The following DNM3 variants were observed in gnomAD, a reference collection of about 807,000 sequenced individuals.
DNM3 encodes dynamin-3.
A neutral mutation model predicts 101.6 loss-of-function variants in DNM3; 47 were observed. That is an observed-to-expected ratio of 0.46 (90% CI 0.37 to 0.59). DNM3 has a LOEUF of 0.59. Ranked by LOEUF, DNM3 falls within the 20% of genes least tolerant of loss-of-function variation. DNM3 has a pLI of 0.00. For missense variants in DNM3, 849 were observed against 1,085.7 expected (o/e 0.78, Z 3.06); for synonymous variants, 385 against 387.9 (o/e 0.99, Z 0.09).
chr1:172,181,784 T>C (rs1335719324), intron 14 of DNM3, among the ~76,000 whole-genome samples: 2 of 150,892 alleles, frequency 1.3e-5, no homozygotes. Context: ...TCCTCCCCCA[T>C]ATCCTGTCTG....
At chr1:172,158,749 G>C (rs1395187317) in intron 14 of DNM3, among the ~76,000 whole-genome samples, 1 of 151,978 alleles carries the variant, frequency 6.6e-6, no homozygotes, top group Non-Finnish European at 1.5e-5. Context: ...AGAATTTAAA[G>C]TTTTATTGAT....
At chr1:172,193,749 C>A (rs1285951396) in intron 14 of DNM3, among the ~76,000 whole-genome samples, 46 of 152,046 alleles carry the variant, frequency 3.0e-4, no homozygotes, top group Non-Finnish European at 4.4e-5. Flanking sequence ...ATTCTTCTCT[C>A]TTTTCTTCTT....
intron 14 of DNM3, among the ~76,000 whole-genome samples, chr1:172,239,500 C>A (rs1288046766): frequency 6.6e-6 from 1 of 152,152 alleles, no homozygotes; most frequent in African/African-American, 2.4e-5. Flanking sequence ...AATCGAGGAA[C>A]TTACAGAAGG....
intron 14 of DNM3, among the ~76,000 whole-genome samples, chr1:172,199,271 TTG>T (rs768225954): frequency 4.6e-5 from 7 of 151,820 alleles, no homozygotes; most frequent in Admixed American, 6.6e-5. Context: ...TGGTTCAAGG[TTG>T]TGTTTAGTAT....
At chr1:172,397,413 T>C (rs1405322965) in intron 20 of DNM3, 1 of 152,528 alleles carries the variant, frequency 6.6e-6, no homozygotes, top group Non-Finnish European at 1.5e-5. Flanking sequence ...AGCAGACTTA[T>C]AGTTTTAGCT....
At chr1:172,393,521 C>T (rs2149092594) in intron 20 of DNM3, 1 of 152,722 alleles carries the variant, frequency 6.5e-6, no homozygotes, top group South Asian at 2.1e-4. Context: ...AATTAAGCAA[C>T]TTAAGTGACT....
intron 1 of DNM3, among the ~76,000 whole-genome samples, chr1:171,910,243 C>A (rs2125272241): frequency 6.6e-6 from 1 of 152,324 alleles, no homozygotes; most frequent in South Asian, 2.1e-4. Flanking sequence ...GTTTTGCACT[C>A]TGCTGTTTCA....
intron 14 of DNM3, among the ~76,000 whole-genome samples, chr1:172,180,626 G>T (rs1289474818): frequency 6.6e-6 from 1 of 152,060 alleles, no homozygotes; most frequent in Non-Finnish European, 1.5e-5. Context: ...TTCTTTTATT[G>T]CAGGAATAGC....
intron 17 of DNM3, among the ~76,000 whole-genome samples, chr1:172,373,220 C>G (rs1316322434): frequency 3.3e-5 from 5 of 152,030 alleles, no homozygotes; most frequent in African/African-American, 1.2e-4. Context: ...ATAATGCTTT[C>G]TTAGCAAAAT....
chr1:172,381,890 C>A (rs1347393187), intron 18 of DNM3, among the ~76,000 whole-genome samples: 2 of 152,122 alleles, frequency 1.3e-5, no homozygotes, highest in African/African-American at 4.8e-5. Flanking sequence ...TCCTCTATTT[C>A]TTCCTGGTCT....
At chr1:171,952,377 T>G (rs2042585306) in intron 2 of DNM3, among the ~76,000 whole-genome samples, 1 of 152,184 alleles carries the variant, frequency 6.6e-6, no homozygotes, top group African/African-American at 2.4e-5. Flanking sequence ...GCTACATGAG[T>G]CAGGTTGGAA....
At chr1:172,148,738 A>G (rs1487558121) in intron 14 of DNM3, among the ~76,000 whole-genome samples, 2 of 152,042 alleles carry the variant, frequency 1.3e-5, no homozygotes, top group Non-Finnish European at 1.5e-5. Flanking sequence ...TAGAGAAGAT[A>G]GCCCCACTTA....
At chr1:171,974,270 T>A (rs1486054201) in intron 2 of DNM3, among the ~76,000 whole-genome samples, 3 of 152,212 alleles carry the variant, frequency 2.0e-5, no homozygotes, top group African/African-American at 7.2e-5. Flanking sequence ...CAGTTTTCAT[T>A]GTGATCTATA....
intron 10 of DNM3, among the ~76,000 whole-genome samples, chr1:172,061,684 C>T (rs1359943752): frequency 2.4e-5 from 3 of 124,966 alleles, no homozygotes; most frequent in East Asian, 2.4e-4. Flanking sequence ...AACATCACAC[C>T]CTGGGGACTG....
chr1:171,946,041 C>T (rs10914053), intron 2 of DNM3, among the ~76,000 whole-genome samples: 132,217 of 152,130 alleles, frequency 0.87, 57,730 homozygotes, highest in African/African-American at 0.96. Flanking sequence ...TCTTGCAAGA[C>T]CTGCAGTTTT....
At chr1:172,317,775 A>G (rs1286176397) in intron 16 of DNM3, among the ~76,000 whole-genome samples, 1 of 152,216 alleles carries the variant, frequency 6.6e-6, no homozygotes, top group Non-Finnish European at 1.5e-5. Flanking sequence ...AGAGTCCAGG[A>G]CCAGATGGAT....
intron 17 of DNM3, among the ~76,000 whole-genome samples, chr1:172,324,825 GCAAAA>G (rs58486208): frequency 0.56 from 84,807 of 151,182 alleles, 25,082 homozygotes; most frequent in African/African-American, 0.76. Flanking sequence ...TTATTTGCAA[GCAAAA>G]CAAAACAAAA....
chr1:171,908,647 T>G (rs755191003), intron 1 of DNM3, among the ~76,000 whole-genome samples: 1 of 143,778 alleles, frequency 7.0e-6, no homozygotes, highest in Non-Finnish European at 1.6e-5. Context: ...TTTAAAGTAT[T>G]TTAAATGAAT....
intron 15 of DNM3, among the ~76,000 whole-genome samples, chr1:172,267,945 C>G (rs1158605050): frequency 6.6e-6 from 1 of 152,174 alleles, no homozygotes; most frequent in Non-Finnish European, 1.5e-5. Context: ...ATCTCCTGAC[C>G]TCGTGATTCA....
Sources: gnomAD v4.1 joint callset for allele counts (sites outside exome capture counted in the v4.1 genomes callset) on GRCh38, gnomAD v4.1.1 for gene constraint, MANE v1.5 for transcripts, NCBI Gene and HGNC (gene_info 2026-07-23, HGNC 2026-07-21) for gene names.